The following SLC13A1 variants were observed in gnomAD, a reference collection of about 807,000 sequenced individuals.
SLC13A1 encodes Na(+)/sulfate cotransporter.
SLC13A1 carries 65 observed loss-of-function variants against 70.0 expected under a neutral mutation model. The ratio of observed to expected loss-of-function variants is 0.93; its 90% CI spans 0.76 to 1.14. The LOEUF (loss-of-function observed/expected upper bound fraction) is 1.14, where lower values mean the gene tolerates loss of function less well. SLC13A1 is among the 50% of genes most tolerant of loss of function. The pLI is 0.00. For synonymous variants in SLC13A1, 275 were observed against 250.5 expected, an observed-to-expected ratio of 1.10 and a Z score of -0.92; for missense variants, 726 against 717.8, an observed-to-expected ratio of 1.01 and a Z score of -0.13.
chr7:123,188,774 T>C (rs1470726098), intron 1 of SLC13A1, among the ~76,000 whole-genome samples: 1 of 152,192 alleles, frequency 6.6e-6, no homozygotes, highest in African/African-American at 2.4e-5. Flanking sequence ...TTTAATGCAG[T>C]GATTTTAAAC....
chr7:123,197,707 C>A (rs146596800), intron 1 of SLC13A1, among the ~76,000 whole-genome samples: 33 of 152,226 alleles, frequency 2.2e-4, no homozygotes, highest in African/African-American at 7.7e-4. Flanking sequence ...GGAACCAGCT[C>A]ACCAGATGCA....
chr7:123,148,138 T>A (rs1794427459), intron 6 of SLC13A1, among the ~76,000 whole-genome samples: 1 of 152,202 alleles, frequency 6.6e-6, no homozygotes, highest in African/African-American at 2.4e-5. Context: ...TAAATCCATT[T>A]TTTTTAAGGA....
chr7:123,169,203 C>T lies in SLC13A1; in HGVS notation c.498G>A (p.Glu166=). 1 of 1,614,028 alleles carries T rather than the reference C, an allele frequency of 6.2e-7. No individual in the cohort carries two copies. Among genetic ancestry groups the T allele is most frequent in the Non-Finnish European group, 8.5e-7 (1 of 1,179,978 alleles). ...CGTTGAAGTAAGTCATCTGAGTGGC[C>T]TCGACCTCTGCTTCTGCATTGATGA... ...QQIINAEAEV[E]ATQMTYFNGS... Residue 166 remains glutamate, a synonymous_variant, in exon 4 of 15, where the codon GAG becomes GAA. Transcript: ENST00000194130.
At chr7:123,180,597 CT>C (rs1036455874) in intron 2 of SLC13A1, among the ~76,000 whole-genome samples, 1 of 152,100 alleles carries the variant, frequency 6.6e-6, no homozygotes, top group African/African-American at 2.4e-5. Context: ...AACAGGGAAA[CT>C]TTTTCTTCAT....
rs1029533603 is a variant in SLC13A1 at position 123,134,647 on chromosome 7, T to C, written c.813-118A>G. The C allele has an allele frequency of 4.2e-5, 37 of 876,968 alleles. No individual in the cohort carries two copies. In the African/African-American group the frequency reaches 5.6e-4, roughly 13 times the overall value. 54.3% of individuals were successfully genotyped at this position (876,968 alleles called of 1,614,324 possible). A position where few individuals can be genotyped will look rare whatever the true frequency, so the allele number is the denominator to read the frequency against. On this transcript the variant is annotated intron_variant, in intron 7 of 14. Transcript: ENST00000194130. ...GTGTTTCTGTCCAAGAAGGAAGTCC[T>C]GGAATATACTCATCATTAAATAGAG...
At chr7:123,180,124 C>G (rs1563351084) in intron 2 of SLC13A1, among the ~76,000 whole-genome samples, 1 of 151,956 alleles carries the variant, frequency 6.6e-6, no homozygotes, top group Non-Finnish European at 1.5e-5. Context: ...AAAAGAGGAT[C>G]AGGGAGGATA....
intron 11 of SLC13A1, among the ~76,000 whole-genome samples, chr7:123,124,308 A>G (rs969023353): frequency 1.3e-5 from 2 of 152,252 alleles, no homozygotes; most frequent in Admixed American, 1.3e-4. Context: ...CTTTGACTGC[A>G]ATGATCAGAG....
intron 12 of SLC13A1, among the ~76,000 whole-genome samples, chr7:123,122,579 T>G (rs981287767): frequency 6.3e-4 from 96 of 152,264 alleles, no homozygotes; most frequent in African/African-American, 2.0e-3. Flanking sequence ...TTTTTATTTC[T>G]TACTAAGATT....
chr7:123,182,821 C>T (rs1795681867), intron 1 of SLC13A1, among the ~76,000 whole-genome samples: 1 of 152,020 alleles, frequency 6.6e-6, no homozygotes, highest in South Asian at 2.1e-4. Flanking sequence ...AGAATACTTC[C>T]ATATTTTAAG....
chr7:123,166,586 T>G (rs751767528), intron 6 of SLC13A1, among the ~76,000 whole-genome samples: 1 of 152,066 alleles, frequency 6.6e-6, no homozygotes, highest in Non-Finnish European at 1.5e-5. Flanking sequence ...GACGTTCCCC[T>G]TCCTGTGCCC....
At chr7:123,120,477 A>G (rs953448078) in intron 12 of SLC13A1, among the ~76,000 whole-genome samples, 1 of 152,096 alleles carries the variant, frequency 6.6e-6, no homozygotes, top group Non-Finnish European at 1.5e-5. Flanking sequence ...CATAGTGCAG[A>G]AAAACTGGCT....
chr7:123,188,119 G>A (rs543404628), intron 1 of SLC13A1, among the ~76,000 whole-genome samples: 79 of 152,308 alleles, frequency 5.2e-4, no homozygotes, highest in Non-Finnish European at 7.2e-4. Context: ...AATAATGGGC[G>A]CAGTTTCCCC....
intron 1 of SLC13A1, among the ~76,000 whole-genome samples, chr7:123,198,761 C>G (rs2116704650): frequency 6.6e-6 from 1 of 152,070 alleles, no homozygotes; most frequent in East Asian, 1.9e-4. Flanking sequence ...CTGGTGTAAC[C>G]TCGATTAGTA....
Position 123,134,547 on chromosome 7 carries a change from G to C in SLC13A1, c.813-18C>G, listed in dbSNP as rs200594327. 10 of 1,610,470 alleles carry C rather than the reference G, an allele frequency of 6.2e-6. No homozygotes were observed. The East Asian group carries it at 2.0e-4, about 32-fold the overall frequency. ...GATAGCGTCTGTGTGAAAACATGGA[G>C]ACGTGTTCAGGGATGGAGAGACAGG... On this transcript the variant is annotated intron_variant, in intron 7 of 14. Transcript: ENST00000194130.
chr7:123,187,258 C>T (rs1333245805), intron 1 of SLC13A1, among the ~76,000 whole-genome samples: 1 of 152,034 alleles, frequency 6.6e-6, no homozygotes, highest in African/African-American at 2.4e-5. Context: ...CCTCACACTA[C>T]CAGAGACATG....
At chr7:123,119,879 T>G (rs943712933) in intron 12 of SLC13A1, among the ~76,000 whole-genome samples, 39 of 152,108 alleles carry the variant, frequency 2.6e-4, no homozygotes, top group Admixed American at 1.1e-3. Context: ...TAAATAAATA[T>G]TGTTCATAGC....
chr7:123,129,567 TCTTCACGCAATATGAATCTCC>T, intron 8 of SLC13A1, 86 bp from the exon 9 acceptor site: 1 of 943,724 alleles, frequency 1.1e-6, no homozygotes, highest in Non-Finnish European at 1.7e-6. Context: ...AACGTTGTCA[TCTTCACGCAATATGAATCTCC>T]CTTCATGCAA....
intron 6 of SLC13A1, among the ~76,000 whole-genome samples, chr7:123,152,302 A>G (rs1794582122): frequency 2.6e-5 from 4 of 152,134 alleles, no homozygotes; most frequent in Admixed American, 6.6e-5. Context: ...TAATGCTGCA[A>G]TGAATATGGG....
intron 6 of SLC13A1, among the ~76,000 whole-genome samples, chr7:123,162,457 C>T (rs1034478131): frequency 2.6e-5 from 4 of 152,046 alleles, no homozygotes; most frequent in African/African-American, 9.7e-5. Flanking sequence ...TCCTTGCTTA[C>T]CTCGTCTATA....
Sources: allele counts gnomAD v4.1 joint callset (sites outside exome capture counted in the v4.1 genomes callset), GRCh38; gene constraint gnomAD v4.1.1; transcripts MANE v1.5; gene names NCBI Gene and HGNC (gene_info 2026-07-23, HGNC 2026-07-21).